The following SYN3 variants were observed in gnomAD, a reference collection of about 807,000 sequenced individuals.
SYN3 encodes the protein synapsin III.
Under a neutral mutation model 65.8 loss-of-function variants are expected in SYN3, and 35 were observed. The observed-to-expected ratio is 0.53, with a 90% confidence interval of 0.41 to 0.70. The LOEUF is 0.70. Ranked by LOEUF, SYN3 falls within the 30% of genes least tolerant of loss-of-function variation. The probability of loss-of-function intolerance (pLI) is 0.00; values close to 1 mark genes in which losing one functional copy is unlikely to be tolerated. For missense variants in SYN3, 680 were observed against 749.0 expected (o/e 0.91, Z 1.08); for synonymous variants, 270 against 292.9 (o/e 0.92, Z 0.80).
intron 7 of SYN3, among the ~76,000 whole-genome samples, chr22:32,545,307 C>G (rs1389127014): frequency 6.6e-6 from 1 of 152,218 alleles, no homozygotes; most frequent in Non-Finnish European, 1.5e-5. Context: ...CTTTGTAAGT[C>G]TTTGTTATGG....
chr22:32,880,747 G>A (rs2049108452), intron 4 of SYN3, among the ~76,000 whole-genome samples: 1 of 152,186 alleles, frequency 6.6e-6, no homozygotes, highest in Non-Finnish European at 1.5e-5. Flanking sequence ...CTGAAACCTG[G>A]AGTAGTTAAT....
rs2058006296 is a variant in SYN3 at position 32,527,885 on chromosome 22, TGCTTTCTTGCAGTG to T, written c.1318+19_1318+32del. The T allele has an allele frequency of 6.4e-6, 10 of 1,555,496 alleles. No individual in the cohort carries two copies. Among genetic ancestry groups the T allele is most frequent in the Non-Finnish European group, 7.9e-6 (9 of 1,142,828 alleles). On this transcript the variant is annotated intron_variant, in intron 12 of 13. Transcript: ENST00000358763. ...GGTGCATTTCAGCACCCTCACTGCA[TGCTTTCTTGCAGTG>T]GCTCGTCCTGGGTCATACCTTGCGG... is the stretch of plus-strand genomic sequence containing the variant.
intron 6 of SYN3, among the ~76,000 whole-genome samples, chr22:32,712,263 TA>T (rs2060976064): frequency 6.6e-6 from 1 of 152,240 alleles, no homozygotes; most frequent in Non-Finnish European, 1.5e-5. Context: ...CTGTCTCAAC[TA>T]ATGTGGCTTC....
At chr22:32,617,072 C>T (rs998432000) in intron 6 of SYN3, among the ~76,000 whole-genome samples, 2 of 152,168 alleles carry the variant, frequency 1.3e-5, no homozygotes, top group Non-Finnish European at 2.9e-5. Flanking sequence ...AATAGAGATT[C>T]CTCAATGGTC....
intron 6 of SYN3, among the ~76,000 whole-genome samples, chr22:32,684,395 C>T (rs1276171489): frequency 1.3e-5 from 2 of 152,060 alleles, no homozygotes; most frequent in African/African-American, 2.4e-5. Flanking sequence ...AGCCATTGGC[C>T]CTGGAATTCT....
chr22:32,573,138 G>C (rs1307090905), intron 7 of SYN3, among the ~76,000 whole-genome samples: 1 of 152,216 alleles, frequency 6.6e-6, no homozygotes, highest in African/African-American at 2.4e-5. Context: ...GTTTTCCCCA[G>C]AGAGCCAGTT....
intron 7 of SYN3, among the ~76,000 whole-genome samples, chr22:32,541,919 C>A (rs1354672939): frequency 6.6e-6 from 1 of 152,028 alleles, no homozygotes; most frequent in East Asian, 1.9e-4. Flanking sequence ...CTTGGGTGGT[C>A]AAGAAAGCTT....
intron 7 of SYN3, among the ~76,000 whole-genome samples, chr22:32,592,522 G>A (rs1386011184): frequency 6.6e-6 from 1 of 152,118 alleles, no homozygotes; most frequent in East Asian, 1.9e-4. Flanking sequence ...TCCATCTCTT[G>A]TCTTCTAGTC....
At chr22:32,905,935 C>G (rs2049889739) in intron 4 of SYN3, among the ~76,000 whole-genome samples, 1 of 152,172 alleles carries the variant, frequency 6.6e-6, no homozygotes, top group African/African-American at 2.4e-5. Flanking sequence ...CGGACATTCA[C>G]AGAGAGGTGC....
At chr22:32,655,010 CTT>C (rs2060122812) in intron 6 of SYN3, among the ~76,000 whole-genome samples, 2 of 152,234 alleles carry the variant, frequency 1.3e-5, no homozygotes, top group East Asian at 3.8e-4. Context: ...GAAATTAAGA[CTT>C]GAAATCACAT....
chr22:33,001,188 T>A (rs1344069597), intron 2 of SYN3, among the ~76,000 whole-genome samples: 1 of 152,178 alleles, frequency 6.6e-6, no homozygotes, highest in South Asian at 2.1e-4. Context: ...AAACAAAGAC[T>A]GTTGAGTCCC....
intron 6 of SYN3, among the ~76,000 whole-genome samples, chr22:32,734,513 G>GCAGGCAGGCAGGCAGA (rs1555941120): frequency 6.6e-6 from 1 of 151,318 alleles, no homozygotes; most frequent in African/African-American, 2.4e-5. Context: ...AGGCAGGCAG[G>GCAGGCAGGCAGGCAGA]CAGACAGACA....
intron 6 of SYN3, among the ~76,000 whole-genome samples, chr22:32,803,050 C>T (rs1009821763): frequency 6.6e-6 from 1 of 152,016 alleles, no homozygotes; most frequent in Admixed American, 6.6e-5. Context: ...GTGTTTGGGA[C>T]ACTTGTGTTT....
rs574849990 is a variant in SYN3, at chr22:33,055,167, C to T, written c.-163+3125G>A. Among the ~76,000 whole-genome samples, 6 of 152,334 alleles carry T rather than the reference C, an allele frequency of 3.9e-5. No homozygotes were observed. In the East Asian group the frequency reaches 7.7e-4, roughly 20 times the overall value. On this transcript the variant is annotated intron_variant, in intron 1 of 13. Transcript: ENST00000358763. ...TAAGCACCTTTCTTCAAGGAGTTCT[C>T]CTCCCAGAGGCATAACAGACAACAC...
chr22:32,994,195 T>C (rs2052810236), intron 2 of SYN3, among the ~76,000 whole-genome samples: 2 of 152,008 alleles, frequency 1.3e-5, no homozygotes, highest in African/African-American at 4.8e-5. Context: ...ATTGTCTCCC[T>C]GATAAAAGGG....
At chr22:32,942,165 C>T (rs967142511) in intron 3 of SYN3, among the ~76,000 whole-genome samples, 3 of 152,296 alleles carry the variant, frequency 2.0e-5, no homozygotes, top group African/African-American at 7.2e-5. Flanking sequence ...GGGTCCCTGA[C>T]CCCCGAGTAG....
chr22:32,551,954 C>A (rs1232127168), intron 7 of SYN3, among the ~76,000 whole-genome samples: 1 of 152,164 alleles, frequency 6.6e-6, no homozygotes, highest in Non-Finnish European at 1.5e-5. Flanking sequence ...TGTAGATATT[C>A]TAAAAAACAC....
At chr22:32,834,053 A>C (rs2047657950) in intron 6 of SYN3, among the ~76,000 whole-genome samples, 1 of 152,174 alleles carries the variant, frequency 6.6e-6, no homozygotes, top group African/African-American at 2.4e-5. Context: ...CTCCGAGAGC[A>C]CTGGCATATA....
chr22:32,919,852 A>C (rs879870389), intron 4 of SYN3, among the ~76,000 whole-genome samples: 3 of 152,194 alleles, frequency 2.0e-5, no homozygotes, highest in South Asian at 2.1e-4. Flanking sequence ...CTCTTCCCTA[A>C]GTCACAGTTT....
Sources: gnomAD v4.1 joint callset for allele counts (sites outside exome capture counted in the v4.1 genomes callset) on GRCh38, gnomAD v4.1.1 for gene constraint, MANE v1.5 for transcripts, NCBI Gene and HGNC (gene_info 2026-07-23, HGNC 2026-07-21) for gene names.